Variants in RAP1GDS1 observed in about 807,000 individuals in gnomAD.
RAP1GDS1 encodes the protein Rap1 GTPase-GDP dissociation stimulator 1, also known as RAP1, GTP-GDP dissociation stimulator 1.
A neutral mutation model predicts 71.1 loss-of-function variants in RAP1GDS1; 35 were observed. The observed-to-expected ratio is 0.49, with a 90% CI of 0.38 to 0.65. The LOEUF is 0.65. Among genes scored for constraint, RAP1GDS1 ranks in the 30% least tolerant of loss-of-function variants. The pLI is 0.00. For missense variants in RAP1GDS1, 663 were observed against 706.1 expected, an observed-to-expected ratio of 0.94 and a Z score of 0.69; for synonymous variants, 229 against 243.1, an observed-to-expected ratio of 0.94 and a Z score of 0.54.
intron 2 of RAP1GDS1, among the ~76,000 whole-genome samples, chr4:98,341,324 G>A (rs987149721): frequency 1.3e-5 from 2 of 152,170 alleles, no homozygotes; most frequent in African/African-American, 4.8e-5. Context: ...GTTTAGTACA[G>A]CTATTCTCCC....
At chr4:98,355,660 G>T (rs972368260) in intron 4 of RAP1GDS1, among the ~76,000 whole-genome samples, 5 of 152,154 alleles carry the variant, frequency 3.3e-5, no homozygotes, top group Admixed American at 6.5e-5. Context: ...TAGTGTATTT[G>T]AAAGGAGGTG....
chr4:98,305,556 T>C (rs531694520), intron 2 of RAP1GDS1, among the ~76,000 whole-genome samples: 4 of 152,266 alleles, frequency 2.6e-5, no homozygotes, highest in East Asian at 1.9e-4. Context: ...ATGGAAAGGC[T>C]TGAATCTGGG....
At chr4:98,359,919 T>C (rs1309996382) in intron 4 of RAP1GDS1, among the ~76,000 whole-genome samples, 1 of 152,074 alleles carries the variant, frequency 6.6e-6, no homozygotes, top group Non-Finnish European at 1.5e-5. Flanking sequence ...ACTCAGATAG[T>C]TTATTATCAG....
chr4:98,379,980 C>A (rs994333442), intron 5 of RAP1GDS1, among the ~76,000 whole-genome samples: 1 of 149,376 alleles, frequency 6.7e-6, no homozygotes, highest in African/African-American at 2.5e-5. Flanking sequence ...CAGTATTATT[C>A]TTTACTTTCG....
intron 4 of RAP1GDS1, among the ~76,000 whole-genome samples, chr4:98,366,183 G>T (rs770745324): frequency 1.3e-5 from 2 of 152,136 alleles, no homozygotes; most frequent in Non-Finnish European, 1.5e-5. Flanking sequence ...GGAGGTAATT[G>T]AATCATGGGG....
In RAP1GDS1 at chr4:98,352,597, T is replaced by C. The variant is rs185170849; in HGVS notation, c.357T>C (p.Asp119=). The part of the protein sequence containing the change: ...TGRALGNICY[D]SHEGRSAVDQ... ...GGGCTCTAGGAAACATATGTTACGA[T>C]AGCCGTAAGTGTTGACATCTCAATA... is the stretch of plus-strand genomic sequence containing the variant. Residue 119 remains aspartate, a synonymous_variant, in exon 4 of 15, where the codon GAT becomes GAC. Coordinates refer to ENST00000408927, the MANE Select transcript of RAP1GDS1 (RefSeq NM_001100427.2). The C allele has an allele frequency of 1.2e-4, 189 of 1,613,614 alleles. No homozygotes were observed. In the African/African-American group the frequency reaches 2.3e-3, roughly 20 times the overall value.
chr4:98,292,581 AC>A (rs1263645019), intron 1 of RAP1GDS1, among the ~76,000 whole-genome samples: 13 of 113,506 alleles, frequency 1.1e-4, no homozygotes, highest in East Asian at 4.2e-4. Flanking sequence ...AAAAAAAAAA[AC>A]AATGCTATTC....
chr4:98,291,167 C>G (rs766231456), intron 1 of RAP1GDS1, among the ~76,000 whole-genome samples: 1 of 151,994 alleles, frequency 6.6e-6, no homozygotes, highest in Non-Finnish European at 1.5e-5. Flanking sequence ...TTGGTTAGAT[C>G]AGGTTTTAAG....
At chr4:98,317,692 G>T (rs549002276) in intron 2 of RAP1GDS1, among the ~76,000 whole-genome samples, 1 of 152,244 alleles carries the variant, frequency 6.6e-6, no homozygotes, top group East Asian at 1.9e-4. Context: ...GGAACCTTAA[G>T]TGGCCACAGG....
intron 5 of RAP1GDS1, among the ~76,000 whole-genome samples, chr4:98,387,195 A>G (rs1352705689): frequency 6.6e-6 from 1 of 152,168 alleles, no homozygotes; most frequent in African/African-American, 2.4e-5. Flanking sequence ...TGTTTTTACA[A>G]GTTCATTCTT....
chr4:98,289,429 GTGCT>G, intron 1 of RAP1GDS1, among the ~76,000 whole-genome samples: 1 of 152,010 alleles, frequency 6.6e-6, no homozygotes, highest in East Asian at 1.9e-4. Flanking sequence ...AAATGAAAGT[GTGCT>G]TGGGAAAAAG....
chr4:98,399,499 T>C (rs1227181855), intron 6 of RAP1GDS1, among the ~76,000 whole-genome samples: 1 of 151,984 alleles, frequency 6.6e-6, no homozygotes, highest in Non-Finnish European at 1.5e-5. Flanking sequence ...TTACCATGCT[T>C]CCCAGGCTGG....
intron 1 of RAP1GDS1, among the ~76,000 whole-genome samples, chr4:98,293,020 G>A (rs1727191822): frequency 6.6e-6 from 1 of 152,002 alleles, no homozygotes; most frequent in Admixed American, 6.6e-5. Flanking sequence ...TGTCTTTAAT[G>A]TACAACAGAG....
intron 13 of RAP1GDS1, 149 bp downstream of exon 13, chr4:98,434,211 A>G (rs1465600147): frequency 1.3e-5 from 13 of 986,244 alleles, no homozygotes; most frequent in Non-Finnish European, 1.7e-5. Context: ...AAATCATTCT[A>G]TATAGATTGT....
At chr4:98,397,609 A>G (rs905178678) in intron 6 of RAP1GDS1, among the ~76,000 whole-genome samples, 3 of 152,168 alleles carry the variant, frequency 2.0e-5, no homozygotes, top group Non-Finnish European at 2.9e-5. Flanking sequence ...CAAACCTTTG[A>G]CATCTGAATC....
chr4:98,442,161 C>T lies in RAP1GDS1; in HGVS notation c.*44C>T, dbSNP rs376975796. 5.0e-6 allele frequency: 8 copies of T among 1,600,856 alleles called. No homozygotes were observed. The African/African-American group carries it at 9.4e-5, about 19-fold the overall frequency. ...CATCATCCCATCTCTAATTTCCCCT[C>T]TGTCCTCCATCCAGCGGCTTCTTCC... On this transcript the variant is annotated 3_prime_UTR_variant, in exon 15 of 15. Transcript: ENST00000408927.
chr4:98,394,451 T>A (rs1012563997), intron 6 of RAP1GDS1, among the ~76,000 whole-genome samples: 1 of 152,092 alleles, frequency 6.6e-6, no homozygotes, highest in African/African-American at 2.4e-5. Flanking sequence ...TTTTTTAAAC[T>A]TTAAGAAACT....
chr4:98,333,698 T>G (rs913177853), intron 2 of RAP1GDS1, among the ~76,000 whole-genome samples: 2 of 152,100 alleles, frequency 1.3e-5, no homozygotes, highest in Admixed American at 1.3e-4. Flanking sequence ...ATACCTAGAT[T>G]ACTTATGAAA....
chr4:98,301,520 A>G (rs1261494120), intron 2 of RAP1GDS1, among the ~76,000 whole-genome samples: 1 of 152,170 alleles, frequency 6.6e-6, no homozygotes, highest in Non-Finnish European at 1.5e-5. Flanking sequence ...CAGCATAACT[A>G]GGAGACAGAC....
Sources: gnomAD v4.1 joint callset for allele counts (sites outside exome capture counted in the v4.1 genomes callset) on GRCh38, gnomAD v4.1.1 for gene constraint, MANE v1.5 for transcripts, NCBI Gene and HGNC (gene_info 2026-07-23, HGNC 2026-07-21) for gene names.